SHC4: variants seen among roughly 807,000 people sequenced by gnomAD.
SHC4 encodes the protein SHC-transforming protein 4.
Under a neutral mutation model 69.4 loss-of-function variants are expected in SHC4, and 41 were observed. The ratio of observed to expected loss-of-function variants is 0.59; its 90% CI spans 0.46 to 0.77. SHC4 has a LOEUF of 0.77. Among genes scored for constraint, SHC4 ranks in the 30% least tolerant of loss-of-function variants. The pLI, the probability that SHC4 is intolerant of heterozygous loss-of-function variation, is 0.00. For missense variants in SHC4, 777 were observed against 783.8 expected, an observed-to-expected ratio of 0.99 and a Z score of 0.10; for synonymous variants, 318 against 299.3, an observed-to-expected ratio of 1.06 and a Z score of -0.64.
intron 10 of SHC4, among the ~76,000 whole-genome samples, chr15:48,841,237 T>G (rs1898983430): frequency 6.6e-6 from 1 of 152,208 alleles, no homozygotes; most frequent in Non-Finnish European, 1.5e-5. Context: ...ATGAAAGGTA[T>G]CAAGAATATA....
intron 6 of SHC4, among the ~76,000 whole-genome samples, chr15:48,861,856 C>A (rs1899450340): frequency 6.6e-6 from 1 of 152,194 alleles, no homozygotes; most frequent in Non-Finnish European, 1.5e-5. Flanking sequence ...TAGTCATAAA[C>A]AAGAGGATTA....
At position 48,877,938 on chromosome 15, in the gene SHC4, T is replaced by A. The variant is rs28365886; in HGVS notation, c.841-5796A>T. 36 of 468,352 alleles carry A rather than the reference T, an allele frequency of 7.7e-5. No homozygotes were observed. The Middle Eastern group carries it at 4.1e-3, about 53-fold the overall frequency. 29.0% of individuals were successfully genotyped at this position (468,352 alleles called of 1,614,324 possible). A position where few individuals can be genotyped will look rare whatever the true frequency, so the allele number is the denominator to read the frequency against. On this transcript the variant is annotated intron_variant, in intron 4 of 11. Transcript: ENST00000332408. ...AACTGTTACGCTCTTGCATGCAGGG[T>A]CCCTAGATACGAAGTTCGAATCGAT...
intron 8 of SHC4, among the ~76,000 whole-genome samples, chr15:48,853,693 C>T (rs1004957565): frequency 6.6e-6 from 1 of 152,178 alleles, no homozygotes; most frequent in African/African-American, 2.4e-5. Context: ...TGCACACCTG[C>T]AGCCATTTGA....
At chr15:48,937,457 T>C (rs1901092155) in intron 1 of SHC4, among the ~76,000 whole-genome samples, 1 of 152,186 alleles carries the variant, frequency 6.6e-6, no homozygotes, top group Non-Finnish European at 1.5e-5. Flanking sequence ...AACCCAGATC[T>C]TTTGATGTTT....
chr15:48,874,754 G>C (rs1191554047), intron 4 of SHC4, among the ~76,000 whole-genome samples: 1 of 152,230 alleles, frequency 6.6e-6, no homozygotes, highest in African/African-American at 2.4e-5. Flanking sequence ...CTATCGGTAA[G>C]TAGCAAGTGA....
At chr15:48,922,107 C>T (rs1900763234) in intron 2 of SHC4, among the ~76,000 whole-genome samples, 1 of 152,164 alleles carries the variant, frequency 6.6e-6, no homozygotes, top group Non-Finnish European at 1.5e-5. Flanking sequence ...AATCTCTATC[C>T]TCATTCCCTG....
Position 48,825,967 on chromosome 15 carries a change from A to T in SHC4, c.*4T>A. 6.2e-7 allele frequency: 1 copy of T among 1,612,618 alleles called. No homozygotes were observed. The stretch of plus-strand genomic sequence containing the variant: ...AATATCAGTGTGATGGTGCTTCAAT[A>T]CTGTCATTTGTTGGAATGCAAAAGT... On this transcript the variant is annotated 3_prime_UTR_variant, in exon 12 of 12. Transcript: ENST00000332408.
chr15:48,896,638 C>T (rs1900227102), intron 2 of SHC4, among the ~76,000 whole-genome samples: 1 of 152,062 alleles, frequency 6.6e-6, no homozygotes, highest in African/African-American at 2.4e-5. Context: ...CTTTTCTATT[C>T]CATTTAAGAA....
chr15:48,879,131 A>T, intron 4 of SHC4: 1 of 180,374 alleles, frequency 5.5e-6, no homozygotes, highest in Non-Finnish European at 1.3e-5. Context: ...GATACTAATT[A>T]TATAATGAGA....
chr15:48,907,950 A>C (rs1201936154), intron 2 of SHC4, among the ~76,000 whole-genome samples: 3 of 151,824 alleles, frequency 2.0e-5, no homozygotes, highest in African/African-American at 7.3e-5. Context: ...TGCTGCTATA[A>C]ACCTGTATAT....
rs535706339 is a variant in SHC4, at chr15:48,910,104, A to C, written c.656+14775T>G. On this transcript the variant is annotated intron_variant, in intron 2 of 11. Coordinates refer to ENST00000332408, the MANE Select transcript of SHC4 (RefSeq NM_203349.4). ...TAACAAGGTATGCTTCTTTCTCTAT[A>C]TTGTGTAATAATGTCAAAAGGATTG... Among the ~76,000 whole-genome samples the C allele has an allele frequency of 4.6e-4, 69 of 150,826 alleles. 1 individual carries two copies. The highest frequency in any genetic ancestry group is 1.7e-3 in the African/African-American group (68 of 41,172).
chr15:48,893,728 G>T (rs182736617), intron 2 of SHC4, among the ~76,000 whole-genome samples: 1 of 152,334 alleles, frequency 6.6e-6, no homozygotes, highest in East Asian at 1.9e-4. Context: ...GAAATATTCT[G>T]CTTTAGGCAT....
chr15:48,838,636 A>T (rs1898939180), intron 10 of SHC4, among the ~76,000 whole-genome samples: 1 of 152,336 alleles, frequency 6.6e-6, no homozygotes, highest in African/African-American at 2.4e-5. Context: ...TCTGTCAGAC[A>T]TGTTACAAAG....
At chr15:48,903,937 C>T (rs1434917923) in intron 2 of SHC4, among the ~76,000 whole-genome samples, 1 of 152,188 alleles carries the variant, frequency 6.6e-6, no homozygotes, top group African/African-American at 2.4e-5. Flanking sequence ...AGCTAACATT[C>T]TCTGTTTTAA....
intron 2 of SHC4, among the ~76,000 whole-genome samples, chr15:48,923,964 A>G (rs939088954): frequency 6.6e-6 from 1 of 152,140 alleles, no homozygotes; most frequent in African/African-American, 2.4e-5. Context: ...ATACTATTGT[A>G]TACTGTAGTC....
chr15:48,949,834 T>G (rs1005040013), intron 1 of SHC4, among the ~76,000 whole-genome samples: 3 of 146,088 alleles, frequency 2.1e-5, no homozygotes, highest in Non-Finnish European at 3.0e-5. Context: ...TATATATAAA[T>G]TATGTAATAT....
intron 1 of SHC4, among the ~76,000 whole-genome samples, chr15:48,925,928 G>A (rs1337427752): frequency 1.3e-5 from 2 of 152,146 alleles, no homozygotes; most frequent in African/African-American, 2.4e-5. Flanking sequence ...GATTTGATAC[G>A]GAGAACAAGA....
chr15:48,904,756 T>C (rs537273695), intron 2 of SHC4, among the ~76,000 whole-genome samples: 12 of 151,808 alleles, frequency 7.9e-5, no homozygotes, highest in Admixed American at 6.6e-4. Flanking sequence ...TGTGGTGCTG[T>C]ATGACTGTGG....
At chr15:48,947,799 T>C (rs1901301512) in intron 1 of SHC4, 1 of 152,216 alleles carries the variant, frequency 6.6e-6, no homozygotes, top group Non-Finnish European at 1.5e-5. Context: ...TAACACCCTT[T>C]ATTATAATTT....
Sources: gnomAD v4.1 joint callset for allele counts (sites outside exome capture counted in the v4.1 genomes callset) on GRCh38, gnomAD v4.1.1 for gene constraint, MANE v1.5 for transcripts, NCBI Gene and HGNC (gene_info 2026-07-23, HGNC 2026-07-21) for gene names.